DPF3: variants seen among roughly 807,000 people sequenced by gnomAD.
DPF3 encodes double PHD fingers 3.
Under a neutral mutation model 56.8 loss-of-function variants are expected in DPF3, and 18 were observed. The ratio of observed to expected loss-of-function variants is 0.32; its 90% confidence interval spans 0.22 to 0.47. The LOEUF (loss-of-function observed/expected upper bound fraction) is 0.47. Among genes scored for constraint, DPF3 ranks in the 20% least tolerant of loss-of-function variants. The probability of loss-of-function intolerance (pLI) is 1.00; values close to 1 mark genes in which losing one functional copy is unlikely to be tolerated. For missense variants in DPF3, 403 were observed against 488.8 expected, an observed-to-expected ratio of 0.82 and a Z score of 1.65; for synonymous variants, 188 against 180.2, an observed-to-expected ratio of 1.04 and a Z score of -0.35.
intron 6 of DPF3, 86 bp from the exon 7 acceptor site, chr14:72,693,299 C>A (rs971149224): frequency 6.9e-6 from 10 of 1,449,010 alleles, no homozygotes; most frequent in African/African-American, 1.4e-5. Flanking sequence ...GACAGTGATC[C>A]CATCCATCCA....
At chr14:72,784,828 G>A (rs992091399) in intron 1 of DPF3, among the ~76,000 whole-genome samples, 1 of 152,048 alleles carries the variant, frequency 6.6e-6, no homozygotes, top group Non-Finnish European at 1.5e-5. Context: ...TTGGTAGCAG[G>A]TGCCTGTAGT....
intron 3 of DPF3, among the ~76,000 whole-genome samples, chr14:72,748,722 T>A (rs1208328946): frequency 6.6e-6 from 1 of 152,206 alleles, no homozygotes; most frequent in East Asian, 1.9e-4. Flanking sequence ...TCCCAGCTGC[T>A]CCAGCTGTGG....
In DPF3 at chr14:72,876,961, T is replaced by C. The variant is rs372470902; in HGVS notation, c.32+17096A>G. Among the ~76,000 whole-genome samples the C allele has an allele frequency of 3.3e-5, 5 of 152,352 alleles. No homozygotes were observed. In the South Asian group the frequency reaches 1.0e-3, roughly 32 times the overall value. ...TCTCCCCACTCCCATATTCATGAGA[T>C]TGAGTGGGCCCTCCTTGGGGACAAA... is the stretch of plus-strand genomic sequence containing the variant. On this transcript the variant is annotated intron_variant, in intron 1 of 10. Coordinates refer to ENST00000556509, the MANE Select transcript of DPF3 (RefSeq NM_001280542.3).
At chr14:72,715,882 T>C (rs1413356454) in intron 5 of DPF3, among the ~76,000 whole-genome samples, 3 of 66,814 alleles carry the variant, frequency 4.5e-5, no homozygotes, top group African/African-American at 1.8e-4. Context: ...GCAGCCCTCC[T>C]CCCCTCGCCC....
At chr14:72,634,782 A>G (rs935960889) in intron 8 of DPF3, among the ~76,000 whole-genome samples, 1 of 152,120 alleles carries the variant, frequency 6.6e-6, no homozygotes, top group Non-Finnish European at 1.5e-5. Context: ...AGAGCAAGAA[A>G]TACCCATATT....
intron 8 of DPF3, among the ~76,000 whole-genome samples, chr14:72,641,494 G>C (rs80166320): frequency 1.3e-5 from 2 of 152,174 alleles, no homozygotes; most frequent in African/African-American, 4.8e-5. Context: ...TTGGATCGAA[G>C]ATCTTCAGTC....
Position 72,800,964 on chromosome 14 carries a change from A to G in DPF3, c.33-29071T>C, listed in dbSNP as rs781572190. ...GAGATAACTATAGGCTTACTTCTGT[A>G]TGGTTTTGGGTGTCTGGAATAACGG... is the stretch of plus-strand genomic sequence containing the variant. On this transcript the variant is annotated intron_variant, in intron 1 of 10. Transcript: ENST00000556509. Among the ~76,000 whole-genome samples the G allele has an allele frequency of 2.3e-4, 35 of 152,318 alleles. 1 individual carries two copies. The highest frequency in any genetic ancestry group is 1.0e-3 in the South Asian group (5 of 4,828).
At chr14:72,706,975 C>G (rs113255860) in intron 6 of DPF3, among the ~76,000 whole-genome samples, 3,631 of 152,214 alleles carry the variant, frequency 0.024, 140 homozygotes, top group African/African-American at 0.082. Context: ...ATCCCTACCC[C>G]CTCCCCCAAC....
At chr14:72,830,098 T>C (rs1201688026) in intron 1 of DPF3, among the ~76,000 whole-genome samples, 1 of 152,210 alleles carries the variant, frequency 6.6e-6, no homozygotes, top group Non-Finnish European at 1.5e-5. Flanking sequence ...TTCAATGTGG[T>C]CTTGCCAACT....
chr14:72,757,162 G>T (rs1443414246), intron 2 of DPF3, among the ~76,000 whole-genome samples: 1 of 151,942 alleles, frequency 6.6e-6, no homozygotes, highest in Admixed American at 6.6e-5. Flanking sequence ...AATTGAAATG[G>T]GGAAGAAAAA....
chr14:72,688,389 C>A (rs1599358407), intron 7 of DPF3, among the ~76,000 whole-genome samples: 1 of 152,106 alleles, frequency 6.6e-6, no homozygotes, highest in African/African-American at 2.4e-5. Context: ...AATTTATTTA[C>A]ACAGCTTTTC....
chr14:72,660,921 G>T (rs1886187918), intron 8 of DPF3: 2 of 394,636 alleles, frequency 5.1e-6, no homozygotes, highest in Non-Finnish European at 6.9e-6. Flanking sequence ...AAACAACAAG[G>T]TTCAACAAAT....
intron 5 of DPF3, among the ~76,000 whole-genome samples, chr14:72,720,410 G>A (rs1158113776): frequency 6.6e-6 from 1 of 152,202 alleles, no homozygotes; most frequent in East Asian, 1.9e-4. Context: ...ACACACCCCA[G>A]CACAGGAGGC....
At chr14:72,710,008 G>C (rs1003198960) in intron 6 of DPF3, among the ~76,000 whole-genome samples, 10 of 152,230 alleles carry the variant, frequency 6.6e-5, no homozygotes, top group African/African-American at 2.2e-4. Context: ...CTAATGCTTA[G>C]AGACAAAATG....
chr14:72,884,971 T>TATATATGTATATATATATATATA (rs10523148), intron 1 of DPF3, among the ~76,000 whole-genome samples: 1 of 111,686 alleles, frequency 9.0e-6, no homozygotes, highest in Non-Finnish European at 1.9e-5. Flanking sequence ...TATATATATA[T>TATATATGTATATATATATATATA]TAGCCGGGCG....
At chr14:72,887,087 G>C (rs899590671) in intron 1 of DPF3, among the ~76,000 whole-genome samples, 4 of 151,724 alleles carry the variant, frequency 2.6e-5, no homozygotes, top group African/African-American at 9.7e-5. Flanking sequence ...AGGCCAGAGA[G>C]ATCATGGACA....
intron 1 of DPF3, among the ~76,000 whole-genome samples, chr14:72,821,582 C>T (rs564022630): frequency 3.3e-5 from 5 of 152,196 alleles, no homozygotes; most frequent in Admixed American, 1.3e-4. Context: ...ATATACTCAA[C>T]GTATACACTA....
At chr14:72,766,190 A>T (rs1383402886) in intron 2 of DPF3, among the ~76,000 whole-genome samples, 1 of 152,206 alleles carries the variant, frequency 6.6e-6, no homozygotes, top group Non-Finnish European at 1.5e-5. Context: ...AAGCTGTTAA[A>T]CTTTTTTAAT....
rs76282590 is a variant in DPF3, at chr14:72,806,565, T to G, written c.33-34672A>C. The stretch of plus-strand genomic sequence containing the variant: ...ATAACAAAATTCAACTCTGCAAACT[T>G]TGCAAAACACTTTATATCGTAATCC... On this transcript the variant is annotated intron_variant, in intron 1 of 10. Transcript: ENST00000556509. 5.7e-3 allele frequency among the ~76,000 whole-genome samples: 871 copies of G among 152,302 alleles called. 8 individuals are homozygous for G. The highest frequency in any genetic ancestry group is 0.02 in the African/African-American group (829 of 41,556).
Sources: gnomAD v4.1 joint callset for allele counts (sites outside exome capture counted in the v4.1 genomes callset) on GRCh38, gnomAD v4.1.1 for gene constraint, MANE v1.5 for transcripts, NCBI Gene and HGNC (gene_info 2026-07-23, HGNC 2026-07-21) for gene names.